DTNA: variants seen among roughly 807,000 people sequenced by gnomAD.
DTNA encodes dystrobrevin alpha.
A neutral mutation model predicts 100.7 loss-of-function variants in DTNA; 43 were observed. The ratio of observed to expected loss-of-function variants is 0.43; its 90% CI spans 0.33 to 0.55. The LOEUF (loss-of-function observed/expected upper bound fraction) is 0.55. Ranked by LOEUF, DTNA falls within the 20% of genes least tolerant of loss-of-function variation. The pLI, the probability that DTNA is intolerant of heterozygous loss-of-function variation, is 0.04. For synonymous variants in DTNA, 349 were observed against 347.9 expected (o/e 1.00, Z -0.04); for missense variants, 798 against 953.9 (o/e 0.84, Z 2.15).
chr18:34,522,127 C>G (rs943703105), intron 1 of DTNA, among the ~76,000 whole-genome samples: 1 of 152,172 alleles, frequency 6.6e-6, no homozygotes, highest in African/African-American at 2.4e-5. Context: ...CTCTGTCAGT[C>G]ACTTTATTCA....
Position 34,890,088 on chromosome 18 carries a change from C to T in DTNA, c.*2354C>T. 7.2e-7 allele frequency: 1 copy of T among 1,396,226 alleles called. No homozygotes were observed. Among genetic ancestry groups the T allele is most frequent in the Middle Eastern group, 2.7e-4 (1 of 3,730 alleles). The allele number at this position is 1,396,226 out of a possible 1,614,324, so 86.5% of individuals were successfully genotyped here. A position where few individuals can be genotyped will look rare whatever the true frequency, so the allele number is the denominator to read the frequency against. ...TCCACCACTGACTGGACCGAGCTGG[C>T]ATATGTTGTTTCTTTGTGTTTCTAC... On this transcript the variant is annotated 3_prime_UTR_variant, in exon 23 of 23. Transcript: ENST00000444659.
intron 1 of DTNA, among the ~76,000 whole-genome samples, chr18:34,719,489 ACAGTT>A (rs1191675921): frequency 4.6e-5 from 7 of 152,172 alleles, no homozygotes; most frequent in African/African-American, 1.7e-4. Flanking sequence ...CAAACAGCAT[ACAGTT>A]AATCAGAGAG....
intron 17 of DTNA, among the ~76,000 whole-genome samples, chr18:34,870,184 T>C (rs2096751374): frequency 6.6e-6 from 1 of 151,662 alleles, no homozygotes; most frequent in South Asian, 2.1e-4. Flanking sequence ...TGTTAAGTAA[T>C]ACAATTGTTC....
intron 10 of DTNA, among the ~76,000 whole-genome samples, chr18:34,827,990 C>T (rs1158856011): frequency 3.3e-5 from 5 of 152,066 alleles, no homozygotes; most frequent in Non-Finnish European, 5.9e-5. Flanking sequence ...GTTCATAGTC[C>T]TCAGAGTTGA....
intron 1 of DTNA, among the ~76,000 whole-genome samples, chr18:34,596,204 T>G (rs2050574437): frequency 2.0e-5 from 3 of 152,132 alleles, no homozygotes; most frequent in Admixed American, 1.3e-4. Context: ...GTTTTTTGTT[T>G]GGTTGGTTGG....
chr18:34,513,319 A>G (rs2041274622), intron 1 of DTNA, among the ~76,000 whole-genome samples: 1 of 152,182 alleles, frequency 6.6e-6, no homozygotes, highest in African/African-American at 2.4e-5. Context: ...GAATAGTTGC[A>G]AAACTAAATA....
In DTNA at chr18:34,832,111, G is replaced by T. The variant is rs1941752; in HGVS notation, c.1175+2622G>T. Among the ~76,000 whole-genome samples, 564 of 152,300 alleles carry T rather than the reference G, an allele frequency of 3.7e-3. 3 individuals are homozygous for T. The highest frequency in any genetic ancestry group is 5.2e-3 in the Non-Finnish European group (352 of 68,008). ...TAAAAATAAATTTTGGATACTGATT[G>T]TAGCCTCTCCTTTTGAAAATCAAAG... On this transcript the variant is annotated intron_variant, in intron 11 of 22. Coordinates refer to ENST00000444659, the MANE Select transcript of DTNA (RefSeq NM_001386795.1).
intron 1 of DTNA, among the ~76,000 whole-genome samples, chr18:34,563,414 T>A (rs2046812527): frequency 6.6e-6 from 1 of 152,240 alleles, no homozygotes; most frequent in African/African-American, 2.4e-5. Context: ...TCTGACCTCC[T>A]AAACTATTAT....
chr18:34,805,369 G>T (rs1448176646), intron 4 of DTNA, among the ~76,000 whole-genome samples: 1 of 152,072 alleles, frequency 6.6e-6, no homozygotes, highest in African/African-American at 2.4e-5. Context: ...CTGTCGCCCA[G>T]GCTGGAGTGC....
At chr18:34,705,089 G>T (rs190594987) in intron 1 of DTNA, among the ~76,000 whole-genome samples, 1 of 152,200 alleles carries the variant, frequency 6.6e-6, no homozygotes, top group Admixed American at 6.5e-5. Context: ...GAACTCAGAG[G>T]CCATAAAAGA....
intron 1 of DTNA, among the ~76,000 whole-genome samples, chr18:34,543,493 A>G (rs987785505): frequency 1.3e-5 from 2 of 152,018 alleles, no homozygotes; most frequent in Non-Finnish European, 2.9e-5. Context: ...AAAGTACTCT[A>G]TTTGCCTTAT....
At chr18:34,577,107 C>T (rs8084313) in intron 1 of DTNA, among the ~76,000 whole-genome samples, 1 of 151,998 alleles carries the variant, frequency 6.6e-6, no homozygotes, top group Admixed American at 6.6e-5. Context: ...AATGATTATG[C>T]GTTTGTCTAT....
intron 13 of DTNA, among the ~76,000 whole-genome samples, chr18:34,847,366 T>C (rs1568754009): frequency 6.6e-6 from 1 of 152,220 alleles, no homozygotes; most frequent in Non-Finnish European, 1.5e-5. Context: ...AGGCAGGTTA[T>C]AAATAAGTAG....
intron 1 of DTNA, among the ~76,000 whole-genome samples, chr18:34,659,500 A>G (rs142444789): frequency 2.0e-5 from 3 of 152,220 alleles, no homozygotes; most frequent in East Asian, 1.9e-4. Context: ...TTCTTTGTAC[A>G]ACAGTATCTC....
chr18:34,754,755 T>C (rs796999608), intron 1 of DTNA, among the ~76,000 whole-genome samples: 2 of 152,292 alleles, frequency 1.3e-5, no homozygotes, highest in African/African-American at 4.8e-5. Context: ...CACCAACTTA[T>C]TTTTTGTGGT....
intron 18 of DTNA, among the ~76,000 whole-genome samples, chr18:34,876,114 A>G (rs979356737): frequency 1.3e-5 from 2 of 152,168 alleles, no homozygotes; most frequent in Non-Finnish European, 2.9e-5. Flanking sequence ...TAACAGTTTG[A>G]TCCTTCCCAA....
In DTNA at chr18:34,864,134, G is replaced by A. The variant is rs116598952; in HGVS notation, c.1743+72G>A. 745 of 1,394,604 alleles carry A rather than the reference G, an allele frequency of 5.3e-4. 5 individuals carry two copies. The African/African-American group carries it at 9.8e-3, about 18-fold the overall frequency. The allele number at this position is 1,394,604 out of a possible 1,614,324, so 86.4% of individuals were successfully genotyped here. A position where few individuals can be genotyped will look rare whatever the true frequency, so the allele number is the denominator to read the frequency against. Reference sequence around the variant, plus strand: ...CTGTGAAAATTTTTGCACATAATGTGCAATGGTTTTTCCAATTGCTGTATG... The same window carrying A: ...CTGTGAAAATTTTTGCACATAATGTACAATGGTTTTTCCAATTGCTGTATG... On this transcript the variant is annotated intron_variant, in intron 17 of 22. Coordinates refer to ENST00000444659, the MANE Select transcript of DTNA (RefSeq NM_001386795.1).
chr18:34,804,806 T>A (rs118191517), intron 4 of DTNA, among the ~76,000 whole-genome samples: 1 of 152,084 alleles, frequency 6.6e-6, no homozygotes, highest in Non-Finnish European at 1.5e-5. Flanking sequence ...TAGAAATAAA[T>A]ATGAAAGAGT....
intron 1 of DTNA, among the ~76,000 whole-genome samples, chr18:34,540,473 C>T (rs765505829): frequency 6.6e-5 from 10 of 151,932 alleles, no homozygotes; most frequent in Non-Finnish European, 1.3e-4. Context: ...AAGTTTATCT[C>T]GGAACATCAC....
Sources: allele counts gnomAD v4.1 joint callset (sites outside exome capture counted in the v4.1 genomes callset), GRCh38; gene constraint gnomAD v4.1.1; transcripts MANE v1.5; gene names NCBI Gene and HGNC (gene_info 2026-07-23, HGNC 2026-07-21).